Variants in TFAP2C observed in about 807,000 individuals in gnomAD.
TFAP2C encodes transcription factor AP-2 gamma, also known as activating enhancer-binding protein 2 gamma.
In TFAP2C, 9 loss-of-function variants were observed where a neutral mutation model predicts 42.9. That is an observed-to-expected ratio of 0.21 (90% CI 0.13 to 0.37). The LOEUF (loss-of-function observed/expected upper bound fraction) is 0.37, where lower values mean the gene tolerates loss of function less well. Among genes scored for constraint, TFAP2C ranks in the 10% least tolerant of loss-of-function variants. TFAP2C has a pLI of 1.00. For synonymous variants in TFAP2C, 264 were observed against 256.0 expected, an observed-to-expected ratio of 1.03 and a Z score of -0.30; for missense variants, 462 against 591.7, an observed-to-expected ratio of 0.78 and a Z score of 2.27.
chr20:56,631,901 G>A lies in TFAP2C; in HGVS notation c.586+45G>A, dbSNP rs903316920. ...CGTCTAACTCTGGTCACACGATCTG[G>A]GCTTGTGAAGTTGACTGGCAAGGTT... On this transcript the variant is annotated intron_variant, in intron 3 of 6. Transcript: ENST00000201031. The surrounding 1 kb of genome is among the most constrained non-coding windows in gnomAD (Gnocchi z 6.1). The A allele has an allele frequency of 6.8e-6, 11 of 1,609,974 alleles. No individual in the cohort carries two copies. The highest frequency in any genetic ancestry group is 9.4e-6 in the Non-Finnish European group (11 of 1,176,338).
intron 5 of TFAP2C, among the ~76,000 whole-genome samples, chr20:56,634,578 C>T (rs969639249): frequency 2.0e-5 from 3 of 152,096 alleles, no homozygotes; most frequent in Non-Finnish European, 2.9e-5. Context: ...GTTAAATGAA[C>T]CAGTTTTTTT....
intron 5 of TFAP2C, among the ~76,000 whole-genome samples, chr20:56,634,779 G>GA (rs536367134): frequency 4.4e-4 from 67 of 152,188 alleles, no homozygotes; most frequent in Non-Finnish European, 7.2e-4. Context: ...CCCATCCAAA[G>GA]AAAAAAACTA....
In TFAP2C at chr20:56,633,278, G is replaced by C. The variant is rs1987528661; in HGVS notation, c.587-75G>C. ...TTGTCTAAAGATCACTTTCAGCTTT[G>C]GTTATTGGTTTTGAAAAGGTCTCTT... On this transcript the variant is annotated intron_variant, in intron 3 of 6. Transcript: ENST00000201031. The C allele has an allele frequency of 6.1e-6, 7 of 1,140,302 alleles. No individual in the cohort carries two copies. The South Asian group carries it at 9.9e-5, about 16-fold the overall frequency. 70.6% of individuals were successfully genotyped at this position (1,140,302 alleles called of 1,614,324 possible).
rs1418460461 is a variant in TFAP2C at position 56,631,113 on chromosome 20, C to G, written c.49-92C>G. ...GCCGGGCGGGGTGCGGTTGGTCCCCCGGGGCCCTCTGCGTAGCCCGGCGAT... is the reference window on the plus strand; with the variant it reads ...GCCGGGCGGGGTGCGGTTGGTCCCCGGGGGCCCTCTGCGTAGCCCGGCGAT... On this transcript the variant is annotated intron_variant, in intron 1 of 6. Coordinates refer to ENST00000201031, the MANE Select transcript of TFAP2C (RefSeq NM_003222.4). The surrounding 1 kb of genome is among the most constrained non-coding windows in gnomAD (Gnocchi z 6.1). 9.5e-5 allele frequency: 138 copies of G among 1,455,212 alleles called. No individual in the cohort carries two copies. The highest frequency in any genetic ancestry group is 1.2e-4 in the Non-Finnish European group (129 of 1,110,128). 90.1% of individuals were successfully genotyped at this position (1,455,212 alleles called of 1,614,324 possible).
chr20:56,629,433 C>CG lies in TFAP2C; in HGVS notation c.-107dup. On this transcript the variant is annotated 5_prime_UTR_variant, in exon 1 of 7. Coordinates refer to ENST00000201031, the MANE Select transcript of TFAP2C (RefSeq NM_003222.4). The surrounding 1 kb of genome is among the most constrained non-coding windows in gnomAD (Gnocchi z 5.9). ...CCCGGACAGCAAGGCCCGCGCGCGG[C>CG]GGGGGCGGCGGCAGACGCCTGGTCA... 1.0e-6 allele frequency: 1 copy of CG among 978,512 alleles called. No homozygotes were observed. The highest frequency in any genetic ancestry group is 3.2e-5 in the Admixed American group (1 of 31,656). The allele number at this position is 978,512 out of a possible 1,614,324, so 60.6% of individuals were successfully genotyped here. A position where few individuals can be genotyped will look rare whatever the true frequency, so the allele number is the denominator to read the frequency against.
intron 5 of TFAP2C, among the ~76,000 whole-genome samples, chr20:56,636,087 C>T (rs1025540837): frequency 6.6e-6 from 1 of 152,188 alleles, no homozygotes; most frequent in East Asian, 1.9e-4. Flanking sequence ...GTTTCAGGGT[C>T]TTTTCTGCTC....
rs1451040662 is a variant in TFAP2C, at chr20:56,630,380, G to A, written c.48+788G>A. On this transcript the variant is annotated intron_variant, in intron 1 of 6. Transcript: ENST00000201031. The surrounding 1 kb of genome is among the most constrained non-coding windows in gnomAD (Gnocchi z 5.1). Reference sequence around the variant, plus strand: ...AGCGCCATGTTCCTCCAGGTTCCCGGCGCCCCGAGACCCCTGGGCAGATGG... The same window carrying A: ...AGCGCCATGTTCCTCCAGGTTCCCGACGCCCCGAGACCCCTGGGCAGATGG... 3 of 461,020 alleles carry A rather than the reference G, an allele frequency of 6.5e-6. No individual in the cohort carries two copies. Among genetic ancestry groups the A allele is most frequent in the Non-Finnish European group, 1.3e-5 (3 of 222,982 alleles). 28.6% of individuals were successfully genotyped at this position (461,020 alleles called of 1,614,324 possible). A position where few individuals can be genotyped will look rare whatever the true frequency, so the allele number is the denominator to read the frequency against.
chr20:56,635,992 C>T (rs1452160341), intron 5 of TFAP2C, among the ~76,000 whole-genome samples: 4 of 152,118 alleles, frequency 2.6e-5, no homozygotes, highest in Admixed American at 1.3e-4. Flanking sequence ...ATTATTTCCC[C>T]CCCGAATCTT....
chr20:56,636,876 A>C (rs1394989266), intron 6 of TFAP2C, 122 bp downstream of exon 6: 1 of 1,268,650 alleles, frequency 7.9e-7, no homozygotes, highest in Non-Finnish European at 1.1e-6. Flanking sequence ...ATTAGGGTGG[A>C]GCAAAAGAAA....
Position 56,638,349 on chromosome 20 carries a change from C to CG in TFAP2C, c.*336_*337insG. The CG allele has an allele frequency of 4.3e-6, 1 of 235,208 alleles. No homozygotes were observed. The allele number at this position is 235,208 out of a possible 1,614,324, so 14.6% of individuals were successfully genotyped here. On this transcript the variant is annotated 3_prime_UTR_variant, in exon 7 of 7. Transcript: ENST00000201031. ...CTTTTAAATACATTCCCTGGGCCAA[C>CG]AGACCCACACACTTAGCCATTGAAA... is the stretch of plus-strand genomic sequence containing the variant.
chr20:56,629,402 C>T lies in TFAP2C; in HGVS notation c.-143C>T. The T allele has an allele frequency of 9.6e-6, 6 of 621,862 alleles. No individual in the cohort carries two copies. The highest frequency in any genetic ancestry group is 1.5e-5 in the Non-Finnish European group (6 of 405,988). The allele number at this position is 621,862 out of a possible 1,614,324, so 38.5% of individuals were successfully genotyped here. A position where few individuals can be genotyped will look rare whatever the true frequency, so the allele number is the denominator to read the frequency against. The stretch of plus-strand genomic sequence containing the variant: ...GCTCGCAGAGCCGCCGATGCGTGTC[C>T]AGTGACCCGGACAGCAAGGCCCGCG... On this transcript the variant is annotated 5_prime_UTR_variant, in exon 1 of 7. The change creates a premature stop within an existing upstream ORF in the 5' untranslated region. Transcript: ENST00000201031. The surrounding 1 kb of genome is among the most constrained non-coding windows in gnomAD (Gnocchi z 5.9).
intron 4 of TFAP2C, 62 bp downstream of exon 4, chr20:56,633,631 C>T (rs1237969017): frequency 6.4e-6 from 8 of 1,256,192 alleles, no homozygotes; most frequent in Non-Finnish European, 9.2e-6. Flanking sequence ...TATCAGAGGC[C>T]CAGGAGGTAT....
At chr20:56,635,568 G>A (rs1336810052) in intron 5 of TFAP2C, among the ~76,000 whole-genome samples, 1 of 151,934 alleles carries the variant, frequency 6.6e-6, no homozygotes, top group Non-Finnish European at 1.5e-5. Context: ...TAAAAAAAAA[G>A]TAAGCTGTCA....
In TFAP2C at chr20:56,637,947, C is replaced by T. The variant is rs1377118612; in HGVS notation, c.1287C>T (p.Asn429=). 1 of 1,613,868 alleles carries T rather than the reference C, an allele frequency of 6.2e-7. No individual in the cohort carries two copies. The highest frequency in any genetic ancestry group is 2.2e-5 in the East Asian group (1 of 44,894). Reference sequence around the variant, plus strand: ...TTGTCATAGACAAATCCTACATGAACCCTGGAGACCAGAGTCCAGCTGATT... The same window carrying T: ...TTGTCATAGACAAATCCTACATGAATCCTGGAGACCAGAGTCCAGCTGATT... The part of the protein sequence containing the change: ...ALIVIDKSYM[N]PGDQSPADSN... Residue 429 remains asparagine, a synonymous_variant, in exon 7 of 7, where the codon AAC becomes AAT. Transcript: ENST00000201031.
chr20:56,638,002 C>T lies in TFAP2C; in HGVS notation c.1342C>T (p.His448Tyr), dbSNP rs752884297. Reference sequence around the variant, plus strand: ...CAAAACCCTGGAGAAAATGGAGAAACACAGGAAATAAAATTGGAACGAAGA... The same window carrying T: ...CAAAACCCTGGAGAAAATGGAGAAATACAGGAAATAAAATTGGAACGAAGA... ...SNKTLEKMEKHRK is the reference protein window; with the variant it reads ...SNKTLEKMEKYRK Residue 448 changes from histidine to tyrosine, a missense_variant, in exon 7 of 7, where the codon CAC (histidine) becomes TAC (tyrosine). Around this residue, in one of 5 missense-constraint regions of TFAP2C, gnomAD observed 130 missense variants for 160.8 expected, o/e 0.81. Coordinates refer to ENST00000201031, the MANE Select transcript of TFAP2C (RefSeq NM_003222.4). 4 of 1,612,512 alleles carry T rather than the reference C, an allele frequency of 2.5e-6. No homozygotes were observed. The South Asian group carries it at 4.4e-5, about 18-fold the overall frequency.
At chr20:56,636,025 A>G (rs1168190276) in intron 5 of TFAP2C, among the ~76,000 whole-genome samples, 1 of 152,154 alleles carries the variant, frequency 6.6e-6, no homozygotes, top group African/African-American at 2.4e-5. Context: ...TTGGATGAAT[A>G]CAGATTCTGA....
chr20:56,631,032 A>T lies in TFAP2C; in HGVS notation c.49-173A>T. 1.0e-6 allele frequency: 1 copy of T among 985,180 alleles called. No homozygotes were observed. The highest frequency in any genetic ancestry group is 1.2e-6 in the Non-Finnish European group (1 of 829,808). 61.0% of individuals were successfully genotyped at this position (985,180 alleles called of 1,614,324 possible). A position where few individuals can be genotyped will look rare whatever the true frequency, so the allele number is the denominator to read the frequency against. ...CTCCCTCCCCGCACTCTTTGCTTAC[A>T]ACGAAATCCTCGGGGCGCATTGCCC... On this transcript the variant is annotated intron_variant, in intron 1 of 6. Transcript: ENST00000201031. This position sits in a 1 kb window ranked among gnomAD's most constrained non-coding sequence, Gnocchi z 6.1.
intron 6 of TFAP2C, 143 bp from the exon 7 acceptor site, chr20:56,637,585 G>A (rs1987608381): frequency 1.5e-6 from 1 of 672,360 alleles, no homozygotes; most frequent in African/African-American, 1.8e-5. Flanking sequence ...CGCAGCAGTT[G>A]GCTATTAGTA....
intron 6 of TFAP2C, among the ~76,000 whole-genome samples, chr20:56,637,009 T>A (rs1474220747): frequency 1.3e-5 from 2 of 152,250 alleles, no homozygotes; most frequent in Admixed American, 1.3e-4. Context: ...GTAGTTGAGC[T>A]GCCCTTTCAT....
Sources: allele counts gnomAD v4.1 joint callset (sites outside exome capture counted in the v4.1 genomes callset), GRCh38; gene constraint gnomAD v4.1.1; regional missense constraint gnomAD v4.1.1; non-coding constraint Gnocchi (gnomAD v3.1); transcripts MANE v1.5; gene names NCBI Gene and HGNC (gene_info 2026-07-23, HGNC 2026-07-21).